UTS2R: variants seen among roughly 807,000 people sequenced by gnomAD.
The protein encoded by UTS2R is urotensin 2 receptor.
For missense variants in UTS2R, 653 were observed against 562.2 expected, an observed-to-expected ratio of 1.16 and a Z score of -1.63; for synonymous variants, 335 against 280.9, an observed-to-expected ratio of 1.19 and a Z score of -1.93.
Position 82,374,734 on chromosome 17 carries a change from G to A in UTS2R, c.410G>A (p.Ser137Asn), listed in dbSNP as rs957896716. 1 of 1,612,076 alleles carries A rather than the reference G, an allele frequency of 6.2e-7. No individual in the cohort carries two copies. Among genetic ancestry groups the A allele is most frequent in the Non-Finnish European group, 8.5e-7 (1 of 1,179,884 alleles). ...CTGGACTTCCTGACCATGCACGCCA[G>A]CATCTTCACGCTGACCGTCATGAGC... ...FGLDFLTMHASIFTLTVMSSE... is the reference protein window; with the variant it reads ...FGLDFLTMHANIFTLTVMSSE... The change falls in exon 3 of 3, where the codon AGC becomes AAC. Residue 137 changes from serine (S) to asparagine (N), a missense_variant. Transcript: ENST00000313135.
At position 82,374,344 on chromosome 17, in the gene UTS2R, C is replaced by A. The variant is rs1157208263; in HGVS notation, c.20C>A (p.Ser7Tyr). The change falls in exon 3 of 3, where the codon TCC becomes TAC. Residue 7 changes from serine to tyrosine, a missense_variant. Physicochemically the swap from Ser to Tyr is moderately radical, Grantham distance 144 (BLOSUM62 -2). Coordinates refer to ENST00000313135, the MANE Select transcript of UTS2R (RefSeq NM_018949.3). MALTPESPSSFPGLAAT... is the reference protein window; with the variant it reads MALTPEYPSSFPGLAAT... Reference sequence around the variant, plus strand: ...TCAGAGATGGCGCTGACCCCCGAGTCCCCGAGCAGCTTCCCTGGGCTGGCC... The same window carrying A: ...TCAGAGATGGCGCTGACCCCCGAGTACCCGAGCAGCTTCCCTGGGCTGGCC... The A allele has an allele frequency of 2.5e-6, 4 of 1,578,122 alleles. No homozygotes were observed. The highest frequency in any genetic ancestry group is 2.3e-5 in the East Asian group (1 of 43,932).
Position 82,374,509 on chromosome 17 carries a change from G to C in UTS2R, c.185G>C (p.Gly62Ala). The C allele has an allele frequency of 6.3e-7, 1 of 1,579,588 alleles. No homozygotes were observed. The change falls in exon 3 of 3, where the codon GGC becomes GCC. Residue 62 changes from glycine to alanine, a missense_variant. Physicochemically the swap from Gly to Ala is moderately conservative, Grantham distance 60. Transcript: ENST00000313135. Reference sequence around the variant, plus strand: ...ATTGGGACTCTGCTGTCGGCCATGGGCGTGGTGGGCGTGGTGGGCAACGCC... The same window carrying C: ...ATTGGGACTCTGCTGTCGGCCATGGCCGTGGTGGGCGTGGTGGGCAACGCC... ...GTIGTLLSAM[G>A]VVGVVGNAYT...
rs774397356 is a variant in UTS2R at position 82,374,489 on chromosome 17, G to A, written c.165G>A (p.Gly55=). ...LEDLVATGTI[G]TLLSAMGVVG... is the part of the protein sequence containing the mutation. ...ACCTGGTGGCCACGGGCACCATTGG[G>A]ACTCTGCTGTCGGCCATGGGCGTGG... is the stretch of plus-strand genomic sequence containing the variant. Residue 55 remains glycine, a synonymous_variant, in exon 3 of 3, where the codon GGG becomes GGA. Transcript: ENST00000313135. 6 of 1,591,452 alleles carry A rather than the reference G, an allele frequency of 3.8e-6. No individual in the cohort carries two copies. The highest frequency in any genetic ancestry group is 1.8e-5 in the Admixed American group (1 of 56,448).
rs1179235755 is a variant in UTS2R at position 82,372,788 on chromosome 17, T to C, written c.-83+5T>C. Among the ~76,000 whole-genome samples the C allele has an allele frequency of 2.0e-5, 3 of 152,224 alleles. No individual in the cohort carries two copies. The highest frequency in any genetic ancestry group is 4.8e-5 in the African/African-American group (2 of 41,460). ...GTTGGCAGCCCTTTATCTAAGGTAC[T>C]AACCTGAGAGTAGAATTGCCGGGTG... On this transcript the variant is annotated splice_donor_5th_base_variant and intron_variant, in intron 2 of 2. Coordinates refer to ENST00000313135, the MANE Select transcript of UTS2R (RefSeq NM_018949.3).
In UTS2R at chr17:82,376,890, G is replaced by T. The variant is rs1599674953; in HGVS notation, c.*1396G>T. Among the ~76,000 whole-genome samples, 1 of 152,006 alleles carries T rather than the reference G, an allele frequency of 6.6e-6. No homozygotes were observed. Among genetic ancestry groups the T allele is most frequent in the South Asian group, 2.1e-4 (1 of 4,822 alleles). ...CAGCCACCCCGTCCGGGAGGTGAGG[G>T]GCGCCTCTGCCCGGCCACCCCTACT... is the stretch of plus-strand genomic sequence containing the variant. On this transcript the variant is annotated 3_prime_UTR_variant, in exon 3 of 3. Coordinates refer to ENST00000313135, the MANE Select transcript of UTS2R (RefSeq NM_018949.3).
intron 2 of UTS2R, 138 bp from the exon 3 acceptor site, chr17:82,374,105 C>T: frequency 1.8e-6 from 1 of 552,342 alleles, no homozygotes; most frequent in Non-Finnish European, 3.2e-6. Flanking sequence ...CTTGAGTCCT[C>T]CTGCAGAGCT....
chr17:82,374,135 C>T (rs1157837610), intron 2 of UTS2R, 108 bp from the exon 3 acceptor site: 23 of 584,380 alleles, frequency 3.9e-5, no homozygotes, highest in Non-Finnish European at 6.3e-5. Flanking sequence ...CAGAGAGTCC[C>T]GAGAGTTGGA....
chr17:82,376,017 A>G lies in UTS2R; in HGVS notation c.*523A>G, dbSNP rs7502317. Among the ~76,000 whole-genome samples the G allele has an allele frequency of 0.24, 37,256 of 152,122 alleles. 4,992 individuals carry two copies. The highest frequency in any genetic ancestry group is 0.31 in the Non-Finnish European group (20,803 of 67,976). ...GAGCCTGTGGGTCTGGCTGGGGTAG[A>G]GGGTGCACCTGCCTTTGAGGCCTGT... is the stretch of plus-strand genomic sequence containing the variant. On this transcript the variant is annotated 3_prime_UTR_variant, in exon 3 of 3. Coordinates refer to ENST00000313135, the MANE Select transcript of UTS2R (RefSeq NM_018949.3).
chr17:82,372,826 C>T (rs2052460209), intron 2 of UTS2R, among the ~76,000 whole-genome samples, 43 bp downstream of exon 2: 2 of 152,200 alleles, frequency 1.3e-5, no homozygotes, highest in South Asian at 2.1e-4. Context: ...AAGGTATAGG[C>T]GGTCAACTCT....
Position 82,376,825 on chromosome 17 carries a change from C to T in UTS2R, c.*1331C>T, listed in dbSNP as rs1039403535. Reference sequence around the variant, plus strand: ...TGAAAGAGACTGATGTCAGCCGCCCCGTCTGGGAGGGAGGTGGGGGGGTCA... The same window carrying T: ...TGAAAGAGACTGATGTCAGCCGCCCTGTCTGGGAGGGAGGTGGGGGGGTCA... On this transcript the variant is annotated 3_prime_UTR_variant, in exon 3 of 3. Coordinates refer to ENST00000313135, the MANE Select transcript of UTS2R (RefSeq NM_018949.3). Among the ~76,000 whole-genome samples, 2 of 152,142 alleles carry T rather than the reference C, an allele frequency of 1.3e-5. No homozygotes were observed. The highest frequency in any genetic ancestry group is 2.9e-5 in the Non-Finnish European group (2 of 68,030).
Position 82,374,907 on chromosome 17 carries a change from C to A in UTS2R, c.583C>A (p.Pro195Thr). The A allele has an allele frequency of 8.4e-7, 1 of 1,193,180 alleles. No individual in the cohort carries two copies. Among genetic ancestry groups the A allele is most frequent in the Non-Finnish European group, 1.2e-6 (1 of 831,874 alleles). 73.9% of individuals were successfully genotyped at this position (1,193,180 alleles called of 1,614,324 possible). A position where few individuals can be genotyped will look rare whatever the true frequency, so the allele number is the denominator to read the frequency against. The change falls in exon 3 of 3, where the codon CCC becomes ACC. Residue 195 changes from proline (P) to threonine (T), a missense_variant. Physicochemically the swap from Pro to Thr is conservative, Grantham distance 38. Coordinates refer to ENST00000313135, the MANE Select transcript of UTS2R (RefSeq NM_018949.3). ...MLAMRLVRRG[P>T]KSLCLPAWGP... is the part of the protein sequence containing the mutation. Reference sequence around the variant, plus strand: ...GGCCATGCGGCTGGTGCGCCGGGGTCCCAAGAGCCTGTGCCTGCCCGCCTG... The same window carrying A: ...GGCCATGCGGCTGGTGCGCCGGGGTACCAAGAGCCTGTGCCTGCCCGCCTG...
In UTS2R at chr17:82,377,038, G is replaced by A. The variant is rs2052502564; in HGVS notation, c.*1544G>A. On this transcript the variant is annotated 3_prime_UTR_variant, in exon 3 of 3. Coordinates refer to ENST00000313135, the MANE Select transcript of UTS2R (RefSeq NM_018949.3). Reference sequence around the variant, plus strand: ...GGAATAGAAAGGCAGGAAAGGTGGGGAAAAGATTGAGAAATCGGATGGTTG... The same window carrying A: ...GGAATAGAAAGGCAGGAAAGGTGGGAAAAAGATTGAGAAATCGGATGGTTG... Among the ~76,000 whole-genome samples the A allele has an allele frequency of 1.3e-5, 2 of 152,376 alleles. No homozygotes were observed. Among genetic ancestry groups the A allele is most frequent in the East Asian group, 3.9e-4 (2 of 5,194 alleles).
intron 1 of UTS2R, among the ~76,000 whole-genome samples, 83 bp downstream of exon 1, chr17:82,372,130 G>T (rs2052455727): frequency 1.3e-5 from 2 of 152,182 alleles, no homozygotes; most frequent in Admixed American, 1.3e-4. Context: ...CTGGGCCGGG[G>T]TTTCGCGGTG....
At chr17:82,373,307 G>A (rs905809438) in intron 2 of UTS2R, among the ~76,000 whole-genome samples, 21 of 152,070 alleles carry the variant, frequency 1.4e-4, no homozygotes, top group African/African-American at 4.3e-4. Context: ...GATTACAGGC[G>A]TGTGCCACCA....
In UTS2R at chr17:82,375,389, G is replaced by C; in HGVS notation, c.1065G>C (p.Ser355=). The C allele has an allele frequency of 6.3e-7, 1 of 1,578,596 alleles. No individual in the cohort carries two copies. Among genetic ancestry groups the C allele is most frequent in the Non-Finnish European group, 8.6e-7 (1 of 1,169,554 alleles). ...CCCGCGCCCGCTTCCAGCGCTGTTC[G>C]GGCCGCTCCCTGTCTTCCTGCAGCC... ...LQPRARFQRC[S]GRSLSSCSPQ... Residue 355 remains serine (S), a synonymous_variant, in exon 3 of 3, where the codon TCG becomes TCC. Coordinates refer to ENST00000313135, the MANE Select transcript of UTS2R (RefSeq NM_018949.3).
chr17:82,374,589 T>C lies in UTS2R; in HGVS notation c.265T>C (p.Tyr89His), dbSNP rs925512523. Residue 89 changes from tyrosine (Y) to histidine (H), a missense_variant, in exon 3 of 3, where the codon TAC (tyrosine) becomes CAC (histidine). Transcript: ENST00000313135. ...GCGTGCGGTGGCCTCCATGTACGTC[T>C]ACGTGGTCAACCTGGCGCTGGCCGA... ...SLRAVASMYV[Y>H]VVNLALADLL... 2 of 1,606,182 alleles carry C rather than the reference T, an allele frequency of 1.2e-6. No homozygotes were observed. Among genetic ancestry groups the C allele is most frequent in the Non-Finnish European group, 1.7e-6 (2 of 1,176,844 alleles).
At position 82,374,543 on chromosome 17, in the gene UTS2R, G is replaced by C. The variant is rs2052474088; in HGVS notation, c.219G>C (p.Leu73=). The change falls in exon 3 of 3, where the codon CTG becomes CTC. Residue 73 remains leucine (L), a synonymous_variant. Transcript: ENST00000313135. ...VVGVVGNAYT[L]VVTCRSLRAV... is the part of the protein sequence containing the mutation. ...GCGTGGTGGGCAACGCCTACACGCTGGTGGTCACCTGCCGCTCCCTGCGTG... is the reference window on the plus strand; with the variant it reads ...GCGTGGTGGGCAACGCCTACACGCTCGTGGTCACCTGCCGCTCCCTGCGTG... 4 of 1,585,512 alleles carry C rather than the reference G, an allele frequency of 2.5e-6. No individual in the cohort carries two copies. Among genetic ancestry groups the C allele is most frequent in the Middle Eastern group, 1.7e-4 (1 of 6,056 alleles).
Position 82,374,661 on chromosome 17 carries a change from A to T in UTS2R, c.337A>T (p.Thr113Ser). The T allele has an allele frequency of 6.2e-7, 1 of 1,613,438 alleles. No homozygotes were observed. Among genetic ancestry groups the T allele is most frequent in the Non-Finnish European group, 8.5e-7 (1 of 1,179,938 alleles). ...SIPFIVATYV[T>S]KEWHFGDVGC... ...CCCCTTCATCGTGGCCACCTACGTC[A>T]CCAAGGAGTGGCACTTCGGGGACGT... is the stretch of plus-strand genomic sequence containing the variant. The change falls in exon 3 of 3, where the codon ACC becomes TCC. Residue 113 changes from threonine (T) to serine (S), a missense_variant. Thr to Ser is a moderately conservative substitution (Grantham distance 58). Transcript: ENST00000313135.
Position 82,374,554 on chromosome 17 carries a change from G to A in UTS2R, c.230G>A (p.Cys77Tyr). ...VGNAYTLVVT[C>Y]RSLRAVASMY... ...AACGCCTACACGCTGGTGGTCACCT[G>A]CCGCTCCCTGCGTGCGGTGGCCTCC... is the stretch of plus-strand genomic sequence containing the variant. Residue 77 changes from cysteine (C) to tyrosine (Y), a missense_variant, in exon 3 of 3, where the codon TGC (cysteine) becomes TAC (tyrosine). Cys to Tyr is a radical substitution (Grantham distance 194, BLOSUM62 -2). Transcript: ENST00000313135. The A allele has an allele frequency of 6.3e-7, 1 of 1,589,866 alleles. No individual in the cohort carries two copies. The highest frequency in any genetic ancestry group is 8.6e-7 in the Non-Finnish European group (1 of 1,168,768).
Sources: gnomAD v4.1 joint callset for allele counts (sites outside exome capture counted in the v4.1 genomes callset) on GRCh38, gnomAD v4.1.1 for gene constraint, MANE v1.5 for transcripts, NCBI Gene and HGNC (gene_info 2026-07-23, HGNC 2026-07-21) for gene names.